NRCAM: variants seen among roughly 807,000 people sequenced by gnomAD.
NRCAM encodes NgCAM-related cell adhesion molecule.
NRCAM carries 83 observed loss-of-function variants against 156.5 expected under a neutral mutation model. That is an observed-to-expected ratio of 0.53 (90% CI 0.44 to 0.64). NRCAM has a LOEUF of 0.64. NRCAM is among the 30% of genes least tolerant of loss of function. The pLI, the probability that NRCAM is intolerant of heterozygous loss-of-function variation, is 0.00. For missense variants in NRCAM, 1,417 were observed against 1,597.3 expected (o/e 0.89, Z 1.92); for synonymous variants, 538 against 563.9 (o/e 0.95, Z 0.65).
intron 1 of NRCAM, among the ~76,000 whole-genome samples, chr7:108,418,756 T>G (rs997789733): frequency 1.3e-5 from 2 of 152,200 alleles, no homozygotes; most frequent in Non-Finnish European, 2.9e-5. Flanking sequence ...TTGATATAAT[T>G]TCAACATTTT....
At chr7:108,263,110 T>A (rs1021563332) in intron 3 of NRCAM, among the ~76,000 whole-genome samples, 2 of 152,140 alleles carry the variant, frequency 1.3e-5, no homozygotes, top group Admixed American at 6.5e-5. Context: ...AGAGTGAGTG[T>A]CTCATCCCTA....
chr7:108,430,718 C>T lies in NRCAM; in HGVS notation c.-332+25525G>A, dbSNP rs530436694. Among the ~76,000 whole-genome samples the T allele has an allele frequency of 3.9e-5, 6 of 152,240 alleles. No homozygotes were observed. In the South Asian group the frequency reaches 1.2e-3, roughly 32 times the overall value. On this transcript the variant is annotated intron_variant, in intron 1 of 32. Transcript: ENST00000379028. ...TCTTTGCCTGTGAATATTCTCATTT[C>T]TCTGCCTAAGATGCCCTTTTACCTC...
chr7:108,177,439 T>A (rs564423905), intron 26 of NRCAM, among the ~76,000 whole-genome samples: 1 of 151,916 alleles, frequency 6.6e-6, no homozygotes, highest in African/African-American at 2.4e-5. Context: ...CTGGCTAACA[T>A]GGTGAAACCC....
At chr7:108,158,102 C>T (rs753966360) in intron 32 of NRCAM, among the ~76,000 whole-genome samples, 2 of 152,134 alleles carry the variant, frequency 1.3e-5, no homozygotes, top group Non-Finnish European at 2.9e-5. Context: ...CCCTAGGCTA[C>T]GGGCTTCTGT....
Position 108,189,662 on chromosome 7 carries a change from T to G in NRCAM, c.2018A>C (p.Asn673Thr). 7.0e-7 allele frequency: 1 copy of G among 1,422,554 alleles called. No individual in the cohort carries two copies. Among genetic ancestry groups the G allele is most frequent in the East Asian group, 2.3e-5 (1 of 43,722 alleles). The allele number at this position is 1,422,554 out of a possible 1,614,324, so 88.1% of individuals were successfully genotyped here. The change falls in exon 20 of 33, where the codon AAC (asparagine) becomes ACC (threonine). Residue 673 changes from asparagine (N) to threonine (T), a missense_variant. This residue lies in a region of NRCAM where 1,238 missense variants were observed against 1,336.4 expected (regional missense o/e 0.93). Coordinates refer to ENST00000379028, the MANE Select transcript of NRCAM (RefSeq NM_001037132.4). The stretch of plus-strand genomic sequence containing the variant: ...CCACATACTTGTAATGGGGCTATTG[T>G]TGTCATCGCCTGGGGTCCATGACAG... ...VQLSWTPGDD[N>T]NSPITKFIIE... is the part of the protein sequence containing the mutation.
chr7:108,182,081 G>T (rs1179230839), intron 23 of NRCAM, 144 bp from the exon 24 acceptor site: 4 of 567,010 alleles, frequency 7.1e-6, no homozygotes, highest in African/African-American at 2.0e-5. Context: ...AGATTTTGGG[G>T]TATCTGTTTG....
At chr7:108,336,829 T>G (rs1054543699) in intron 2 of NRCAM, among the ~76,000 whole-genome samples, 1 of 152,216 alleles carries the variant, frequency 6.6e-6, no homozygotes, top group Non-Finnish European at 1.5e-5. Context: ...TAACTACAGT[T>G]AAATAGATTC....
intron 1 of NRCAM, among the ~76,000 whole-genome samples, chr7:108,453,400 T>C (rs1175395318): frequency 6.6e-6 from 1 of 152,234 alleles, no homozygotes; most frequent in Non-Finnish European, 1.5e-5. Flanking sequence ...CTAGCGATTA[T>C]TGCCATCATT....
At chr7:108,239,269 T>A (rs1035433820) in intron 4 of NRCAM, among the ~76,000 whole-genome samples, 1 of 152,176 alleles carries the variant, frequency 6.6e-6, no homozygotes, top group African/African-American at 2.4e-5. Context: ...TAGCTGTTGT[T>A]TGCTCCATTT....
At chr7:108,183,952 C>T (rs1440812847) in intron 22 of NRCAM, among the ~76,000 whole-genome samples, 3 of 152,086 alleles carry the variant, frequency 2.0e-5, no homozygotes, top group Non-Finnish European at 2.9e-5. Flanking sequence ...TCTATTATTA[C>T]TCCCATCATA....
chr7:108,271,693 CAA>C (rs200366639), intron 3 of NRCAM, among the ~76,000 whole-genome samples: 81 of 126,076 alleles, frequency 6.4e-4, no homozygotes, highest in Admixed American at 5.8e-4. Flanking sequence ...GACTCCACGT[CAA>C]AAAAAAAAAA....
chr7:108,455,331 G>A (rs1308629747), intron 1 of NRCAM, among the ~76,000 whole-genome samples: 1 of 152,190 alleles, frequency 6.6e-6, no homozygotes, highest in Non-Finnish European at 1.5e-5. Context: ...CGGCGCAGAT[G>A]GCGCTCGCTG....
intron 2 of NRCAM, among the ~76,000 whole-genome samples, chr7:108,399,181 GTGTGTGTA>G (rs2099785083): frequency 6.6e-6 from 1 of 151,906 alleles, no homozygotes; most frequent in African/African-American, 2.4e-5. Flanking sequence ...TTGTGTGTGT[GTGTGTGTA>G]TGTTCAGATA....
In NRCAM at chr7:108,449,999, C is replaced by T. The variant is rs541752107; in HGVS notation, c.-332+6244G>A. 7.8e-4 allele frequency among the ~76,000 whole-genome samples: 118 copies of T among 151,244 alleles called. 2 individuals are homozygous for T. In the South Asian group the frequency reaches 0.024, roughly 31 times the overall value. On this transcript the variant is annotated intron_variant, in intron 1 of 32. Coordinates refer to ENST00000379028, the MANE Select transcript of NRCAM (RefSeq NM_001037132.4). Reference sequence around the variant, plus strand: ...TATATATATTCAACATATATATATTCAAAATATAGTTTCCAGCCCTTCCTA... The same window carrying T: ...TATATATATTCAACATATATATATTTAAAATATAGTTTCCAGCCCTTCCTA...
intron 26 of NRCAM, among the ~76,000 whole-genome samples, chr7:108,177,624 A>AATATATATATATATAT (rs59391934): frequency 1.2e-5 from 1 of 80,620 alleles, no homozygotes; most frequent in South Asian, 4.7e-4. Flanking sequence ...CTCCATCTCA[A>AATATATATATATATAT]ATATATATAT....
At chr7:108,184,709 G>T in intron 20 of NRCAM, 95 bp from the exon 21 acceptor site, 2 of 919,920 alleles carry the variant, frequency 2.2e-6, no homozygotes, top group Non-Finnish European at 1.6e-6. Flanking sequence ...CCCAACACAA[G>T]CAACCAAACA....
At position 108,207,665 on chromosome 7, in the gene NRCAM, T is replaced by C. The variant is rs760932722; in HGVS notation, c.1076-6A>G. 2.5e-6 allele frequency: 4 copies of C among 1,591,332 alleles called. No individual in the cohort carries two copies. Among genetic ancestry groups the C allele is most frequent in the Non-Finnish European group, 3.4e-6 (4 of 1,172,542 alleles). On this transcript the variant is annotated splice_polypyrimidine_tract_variant and splice_region_variant and intron_variant, in intron 12 of 32. Coordinates refer to ENST00000379028, the MANE Select transcript of NRCAM (RefSeq NM_001037132.4). ...TGTGATCCAGTATGGAGCCGCTTTA[T>C]AGGAGGAAGAAAAAAGACCAAAAAT...
chr7:108,255,785 C>T (rs575648078), intron 3 of NRCAM, among the ~76,000 whole-genome samples: 2,649 of 152,004 alleles, frequency 0.017, 88 homozygotes, highest in African/African-American at 0.06. Context: ...ACCGCCACCC[C>T]GTCTGGGAGG....
chr7:108,432,868 G>GAAAAA (rs1827200782), intron 1 of NRCAM, among the ~76,000 whole-genome samples: 1 of 151,782 alleles, frequency 6.6e-6, no homozygotes, highest in Non-Finnish European at 1.5e-5. Flanking sequence ...ACTCCAGCCT[G>GAAAAA]GGTGACAGAG....
Sources: allele counts gnomAD v4.1 joint callset (sites outside exome capture counted in the v4.1 genomes callset), GRCh38; gene constraint gnomAD v4.1.1; regional missense constraint gnomAD v4.1.1; transcripts MANE v1.5; gene names NCBI Gene and HGNC (gene_info 2026-07-23, HGNC 2026-07-21).